MS4A4E: variants seen among roughly 807,000 people sequenced by gnomAD.
MS4A4E encodes putative membrane-spanning 4-domains subfamily A member 4E.
In MS4A4E, 23 loss-of-function variants were observed where a neutral mutation model predicts 13.3. That is an observed-to-expected ratio of 1.73 (90% confidence interval 1.25 to 2.45). MS4A4E has a LOEUF of 2.45. Among genes scored for constraint, MS4A4E ranks in the 30% most tolerant of loss-of-function variants. MS4A4E has a pLI of 0.00. For synonymous variants in MS4A4E, 36 were observed against 45.6 expected (o/e 0.79, Z 0.85); for missense variants, 144 against 131.2 (o/e 1.10, Z -0.48).
intron 3 of MS4A4E, among the ~76,000 whole-genome samples, chr11:60,218,401 C>T (rs1025641153): frequency 1.3e-5 from 2 of 152,192 alleles, no homozygotes; most frequent in African/African-American, 4.8e-5. Context: ...CACCTATTCG[C>T]ATACTCCCTC....
chr11:60,225,228 C>CT, intron 3 of MS4A4E: 2 of 786,298 alleles, frequency 2.5e-6, no homozygotes, highest in Non-Finnish European at 1.8e-6. Context: ...TGTTGTCACT[C>CT]TTTTTTTCAC....
In MS4A4E at chr11:60,200,997, G is replaced by A. The variant is rs2083978253; in HGVS notation, c.*546C>T. Among the ~76,000 whole-genome samples, 1 of 148,866 alleles carries A rather than the reference G, an allele frequency of 6.7e-6. No homozygotes were observed. The highest frequency in any genetic ancestry group is 2.0e-4 in the East Asian group (1 of 4,990). ...AACCCCCCACCTCCCTCCCGGACGG[G>A]GCGGCTGGCCGGGCAGAGGGCTGAC... On this transcript the variant is annotated 3_prime_UTR_variant, in exon 9 of 9. Coordinates refer to ENST00000651255, the MANE Select transcript of MS4A4E (RefSeq NM_001393391.1).
intron 5 of MS4A4E, among the ~76,000 whole-genome samples, chr11:60,210,420 G>A (rs1014857877): frequency 2.0e-5 from 3 of 152,148 alleles, no homozygotes; most frequent in Non-Finnish European, 4.4e-5. Flanking sequence ...TGCAGGACCA[G>A]CTATGTAATT....
chr11:60,221,033 T>C (rs1310174053), intron 3 of MS4A4E, among the ~76,000 whole-genome samples: 2 of 152,198 alleles, frequency 1.3e-5, no homozygotes, highest in Non-Finnish European at 1.5e-5. Flanking sequence ...GGGATGCTGT[T>C]AGGAGCCTTT....
At chr11:60,218,304 C>T (rs546757577) in intron 3 of MS4A4E, among the ~76,000 whole-genome samples, 43 of 152,266 alleles carry the variant, frequency 2.8e-4, no homozygotes, top group South Asian at 1.2e-3. Context: ...AATTTCACCC[C>T]GGTACTGTGG....
intron 3 of MS4A4E, among the ~76,000 whole-genome samples, chr11:60,218,200 AT>A (rs1393745161): frequency 1.3e-5 from 2 of 152,130 alleles, no homozygotes; most frequent in Non-Finnish European, 2.9e-5. Flanking sequence ...TTCCCGCCTA[AT>A]AAATTTTTGG....
chr11:60,224,936 C>A, intron 3 of MS4A4E: 1 of 1,474,922 alleles, frequency 6.8e-7, no homozygotes, highest in Non-Finnish European at 9.0e-7. Context: ...TATGTTATAT[C>A]CAATTATATC....
In MS4A4E at chr11:60,237,426, T is replaced by A. The variant is rs544528394; in HGVS notation, c.-17+5532A>T. The stretch of plus-strand genomic sequence containing the variant: ...ATGAACATATGTGTGCATGTGTCTT[T>A]AAAATAGAATGATTTCTATTCCTTT... On this transcript the variant is annotated intron_variant, in intron 1 of 8. Transcript: ENST00000651255. 2.2e-4 allele frequency among the ~76,000 whole-genome samples: 34 copies of A among 152,354 alleles called. No homozygotes were observed. In the East Asian group the frequency reaches 2.5e-3, roughly 11 times the overall value.
chr11:60,220,962 C>G (rs2084263064), intron 3 of MS4A4E, among the ~76,000 whole-genome samples: 2 of 152,152 alleles, frequency 1.3e-5, no homozygotes, highest in South Asian at 4.1e-4. Flanking sequence ...GCAAGTTGCT[C>G]TGTCACTTGG....
At chr11:60,237,409 A>G (rs1001691560) in intron 1 of MS4A4E, among the ~76,000 whole-genome samples, 1 of 152,154 alleles carries the variant, frequency 6.6e-6, no homozygotes, top group African/African-American at 2.4e-5. Flanking sequence ...CAATGAACAT[A>G]TGTGTGCATG....
chr11:60,226,515 A>C (rs2084346639), intron 3 of MS4A4E, among the ~76,000 whole-genome samples: 1 of 152,228 alleles, frequency 6.6e-6, no homozygotes, highest in Non-Finnish European at 1.5e-5. Flanking sequence ...TAATGACATC[A>C]ACAGGCTAAA....
At chr11:60,223,806 GGCTT>G (rs1333389608) in intron 3 of MS4A4E, among the ~76,000 whole-genome samples, 1 of 152,104 alleles carries the variant, frequency 6.6e-6, no homozygotes, top group African/African-American at 2.4e-5. Context: ...GACTCAAACT[GGCTT>G]CATTGCCCCT....
At chr11:60,241,249 C>G in intron 1 of MS4A4E, among the ~76,000 whole-genome samples, 1 of 152,190 alleles carries the variant, frequency 6.6e-6, no homozygotes, top group East Asian at 1.9e-4. Flanking sequence ...TGGTCTCGAT[C>G]CTCTGACCTC....
At chr11:60,214,636 G>A (rs1401713422) in intron 3 of MS4A4E, 22 bp from the exon 4 acceptor site, 6 of 1,474,152 alleles carry the variant, frequency 4.1e-6, no homozygotes, top group Admixed American at 2.3e-5. Context: ...AAATAAGAAT[G>A]AGAGAAAAAA....
chr11:60,210,805 G>A (rs1257833646), intron 5 of MS4A4E, among the ~76,000 whole-genome samples: 2 of 152,126 alleles, frequency 1.3e-5, no homozygotes, highest in African/African-American at 4.8e-5. Flanking sequence ...ATTCCAGAAA[G>A]CTCTTATGGA....
At chr11:60,229,252 TA>T (rs2084378678) in intron 2 of MS4A4E, among the ~76,000 whole-genome samples, 1 of 152,212 alleles carries the variant, frequency 6.6e-6, no homozygotes, top group African/African-American at 2.4e-5. Flanking sequence ...TTGAACCTAG[TA>T]TGTGCCAACA....
At chr11:60,237,225 A>G (rs2084494649) in intron 1 of MS4A4E, among the ~76,000 whole-genome samples, 1 of 152,100 alleles carries the variant, frequency 6.6e-6, no homozygotes, top group African/African-American at 2.4e-5. Context: ...GTGTTAGTTT[A>G]CTAAGGATAA....
chr11:60,219,932 C>G (rs2134943114), intron 3 of MS4A4E, among the ~76,000 whole-genome samples: 1 of 151,618 alleles, frequency 6.6e-6, no homozygotes, highest in South Asian at 2.1e-4. Flanking sequence ...TCCCCACACT[C>G]ATCCTGCATT....
intron 5 of MS4A4E, among the ~76,000 whole-genome samples, chr11:60,212,273 C>G (rs1226091280): frequency 6.7e-6 from 1 of 149,748 alleles, no homozygotes; most frequent in African/African-American, 2.4e-5. Context: ...CTGTTCAAGA[C>G]AATTTTACTT....
Sources: allele counts gnomAD v4.1 joint callset (sites outside exome capture counted in the v4.1 genomes callset), GRCh38; gene constraint gnomAD v4.1.1; transcripts MANE v1.5; gene names NCBI Gene and HGNC (gene_info 2026-07-23, HGNC 2026-07-21).